DLG2: variants seen among roughly 807,000 people sequenced by gnomAD.
DLG2 encodes disks large homolog 2.
DLG2 carries 45 observed loss-of-function variants against 132.5 expected under a neutral mutation model. The ratio of observed to expected loss-of-function variants is 0.34; its 90% CI spans 0.27 to 0.44. The LOEUF (loss-of-function observed/expected upper bound fraction) is 0.44. DLG2 is among the 20% of genes least tolerant of loss of function. DLG2 has a pLI of 1.00. For synonymous variants in DLG2, 424 were observed against 419.6 expected, an observed-to-expected ratio of 1.01 and a Z score of -0.13; for missense variants, 1,045 against 1,196.9, an observed-to-expected ratio of 0.87 and a Z score of 1.87.
At chr11:85,158,010 T>C (rs1455861676) in intron 4 of DLG2, among the ~76,000 whole-genome samples, 7 of 151,980 alleles carry the variant, frequency 4.6e-5, no homozygotes, top group Non-Finnish European at 1.0e-4. Flanking sequence ...GGCAAGATAA[T>C]GTTGATTCTC....
Position 83,472,757 on chromosome 11 carries a change from G to T in DLG2, c.2314C>A (p.Leu772Ile). Residue 772 changes from leucine to isoleucine, a missense_variant, in exon 23 of 28, where the codon CTT becomes ATT. By Grantham distance (5) the Leu-to-Ile change is conservative (BLOSUM62 2). Around this residue, in one of 4 missense-constraint regions of DLG2, gnomAD observed 398 missense variants for 543.6 expected, o/e 0.73. Coordinates refer to ENST00000376104, the MANE Select transcript of DLG2 (RefSeq NM_001142699.3). ...TGCCTTGTAACAGGCTCATAGGAAA[G>T]AATGAGGTCTTCTTGTCCTCCTGAG... is the stretch of plus-strand genomic sequence containing the variant. ...DPERGQEDLILSYEPVTRQEI... is the reference protein window; with the variant it reads ...DPERGQEDLIISYEPVTRQEI... 5 of 1,611,924 alleles carry T rather than the reference G, an allele frequency of 3.1e-6. No homozygotes were observed. Among genetic ancestry groups the T allele is most frequent in the South Asian group, 1.1e-5 (1 of 90,932 alleles).
At chr11:84,491,018 C>G (rs1405507928) in intron 7 of DLG2, among the ~76,000 whole-genome samples, 1 of 151,950 alleles carries the variant, frequency 6.6e-6, no homozygotes, top group Non-Finnish European at 1.5e-5. Flanking sequence ...CCTAGGTCAT[C>G]TCAGAGTTAG....
intron 6 of DLG2, among the ~76,000 whole-genome samples, chr11:84,817,717 A>C (rs1322116339): frequency 6.6e-6 from 1 of 152,010 alleles, no homozygotes; most frequent in Non-Finnish European, 1.5e-5. Context: ...TCAACTAGTA[A>C]TGGGTGAAGA....
intron 11 of DLG2, among the ~76,000 whole-genome samples, chr11:84,019,271 A>C (rs1268382418): frequency 6.6e-6 from 1 of 152,044 alleles, no homozygotes; most frequent in African/African-American, 2.4e-5. Context: ...CAGGAGTTTG[A>C]GCTCTTAACC....
intron 19 of DLG2, among the ~76,000 whole-genome samples, chr11:83,567,777 A>G (rs752774535): frequency 2.0e-5 from 3 of 152,160 alleles, no homozygotes; most frequent in Non-Finnish European, 4.4e-5. Context: ...ATTACAAGGT[A>G]TAGAGACCTG....
At chr11:84,638,284 A>C (rs180834927) in intron 6 of DLG2, among the ~76,000 whole-genome samples, 175 of 152,380 alleles carry the variant, frequency 1.1e-3, no homozygotes, top group African/African-American at 4.1e-3. Flanking sequence ...TGAAGAGGAA[A>C]TATAAATAGA....
Position 84,471,169 on chromosome 11 carries a change from T to G in DLG2, c.519+63401A>C, listed in dbSNP as rs79715287. Among the ~76,000 whole-genome samples the G allele has an allele frequency of 2.5e-3, 383 of 151,836 alleles. 2 individuals are homozygous for G. Among genetic ancestry groups the G allele is most frequent in the African/African-American group, 8.6e-3 (355 of 41,484 alleles). On this transcript the variant is annotated intron_variant, in intron 7 of 27. Coordinates refer to ENST00000376104, the MANE Select transcript of DLG2 (RefSeq NM_001142699.3). ...AACTGGGGTTCCCAGACCCCTGACT[T>G]AATGGACAATTCTCCATAGTAGTAG...
At chr11:84,019,395 C>T (rs1434652117) in intron 11 of DLG2, among the ~76,000 whole-genome samples, 1 of 151,936 alleles carries the variant, frequency 6.6e-6, no homozygotes, top group Non-Finnish European at 1.5e-5. Context: ...CAAGAATGAA[C>T]TAGAAGGGTG....
intron 6 of DLG2, among the ~76,000 whole-genome samples, chr11:84,673,905 T>C (rs2099708683): frequency 6.6e-6 from 1 of 152,140 alleles, no homozygotes; most frequent in Non-Finnish European, 1.5e-5. Flanking sequence ...AGCAAACAAA[T>C]GCAAATGCTG....
chr11:85,538,011 G>C (rs2075713592), intron 3 of DLG2, among the ~76,000 whole-genome samples: 2 of 151,926 alleles, frequency 1.3e-5, no homozygotes, highest in Admixed American at 1.3e-4. Flanking sequence ...AGCTACTTGA[G>C]AGGCTGAGGC....
At chr11:84,624,950 C>T (rs186375907) in intron 6 of DLG2, among the ~76,000 whole-genome samples, 2,623 of 140,710 alleles carry the variant, frequency 0.019, 80 homozygotes, top group African/African-American at 0.069. Flanking sequence ...CTCCGCCTCC[C>T]GGGTTCACGC....
intron 7 of DLG2, among the ~76,000 whole-genome samples, chr11:84,525,236 T>C (rs757506175): frequency 2.0e-5 from 3 of 152,156 alleles, no homozygotes; most frequent in Non-Finnish European, 4.4e-5. Flanking sequence ...TATTTCAAAC[T>C]GACTGTTAAA....
At chr11:83,902,502 A>G (rs146951734) in intron 15 of DLG2, among the ~76,000 whole-genome samples, 51 of 152,346 alleles carry the variant, frequency 3.3e-4, no homozygotes, top group African/African-American at 1.2e-3. Flanking sequence ...TTACTCTTCA[A>G]TCTGAAGATC....
intron 7 of DLG2, among the ~76,000 whole-genome samples, chr11:84,252,416 C>T (rs573353685): frequency 9.2e-5 from 14 of 151,990 alleles, no homozygotes; most frequent in East Asian, 7.7e-4. Context: ...CCAATACAGG[C>T]GTGAACAAGC....
At chr11:84,537,989 C>T (rs918389408) in intron 6 of DLG2, among the ~76,000 whole-genome samples, 18 of 152,226 alleles carry the variant, frequency 1.2e-4, no homozygotes, top group African/African-American at 3.9e-4. Flanking sequence ...CTATTAAGTA[C>T]TACATATCTT....
rs542336024 is a variant in DLG2, at chr11:85,510,393, T to G, written c.40+88264A>C. Among the ~76,000 whole-genome samples, 289 of 152,066 alleles carry G rather than the reference T, an allele frequency of 1.9e-3. 1 individual carries two copies. The highest frequency in any genetic ancestry group is 2.7e-3 in the Non-Finnish European group (186 of 67,968). On this transcript the variant is annotated intron_variant, in intron 3 of 27. Coordinates refer to ENST00000376104, the MANE Select transcript of DLG2 (RefSeq NM_001142699.3). The stretch of plus-strand genomic sequence containing the variant: ...ATGGGATCTAATTAAACTAAAGAGC[T>G]TCTGCACAGCAAAAGAAACTACCAT...
At chr11:83,771,069 A>G (rs79515322) in intron 18 of DLG2, among the ~76,000 whole-genome samples, 1,641 of 152,294 alleles carry the variant, frequency 0.011, 39 homozygotes, top group African/African-American at 0.038. Context: ...CACCCCTCCC[A>G]ATAATCTTCA....
chr11:84,728,320 A>G (rs562977102), intron 6 of DLG2, among the ~76,000 whole-genome samples: 6 of 152,254 alleles, frequency 3.9e-5, no homozygotes, highest in South Asian at 2.1e-4. Context: ...ATTTTGTCAA[A>G]GGTCTTTTCT....
chr11:85,346,868 G>C (rs902353455), intron 3 of DLG2, among the ~76,000 whole-genome samples: 1 of 152,076 alleles, frequency 6.6e-6, no homozygotes. Context: ...TCAATGAATG[G>C]AGAAGGCAGA....
Sources: allele counts gnomAD v4.1 joint callset (sites outside exome capture counted in the v4.1 genomes callset), GRCh38; gene constraint gnomAD v4.1.1; regional missense constraint gnomAD v4.1.1; transcripts MANE v1.5; gene names NCBI Gene and HGNC (gene_info 2026-07-23, HGNC 2026-07-21).